LHFPL3: variants seen among roughly 807,000 people sequenced by gnomAD.
The protein encoded by LHFPL3 is LHFPL tetraspan subfamily member 3 protein.
LHFPL3 carries 5 observed loss-of-function variants against 19.3 expected under a neutral mutation model. That is an observed-to-expected ratio of 0.26 (90% CI 0.14 to 0.54). The LOEUF (loss-of-function observed/expected upper bound fraction) is 0.54. LHFPL3 is among the 20% of genes least tolerant of loss of function. LHFPL3 has a pLI of 0.94. For synonymous variants in LHFPL3, 133 were observed against 126.2 expected, an observed-to-expected ratio of 1.05 and a Z score of -0.36; for missense variants, 249 against 307.4, an observed-to-expected ratio of 0.81 and a Z score of 1.42.
intron 1 of LHFPL3, among the ~76,000 whole-genome samples, chr7:104,651,060 G>A (rs183406728): frequency 8.5e-5 from 13 of 152,296 alleles, no homozygotes; most frequent in East Asian, 7.7e-4. Context: ...AGCAGCCACC[G>A]TAAGAATAAA....
At chr7:104,603,600 G>C (rs941294854) in intron 1 of LHFPL3, among the ~76,000 whole-genome samples, 1 of 152,186 alleles carries the variant, frequency 6.6e-6, no homozygotes, top group African/African-American at 2.4e-5. Context: ...GATTCATCCT[G>C]AGGTAAAATC....
chr7:104,742,995 C>A (rs903979268), intron 2 of LHFPL3, among the ~76,000 whole-genome samples: 1 of 152,040 alleles, frequency 6.6e-6, no homozygotes, highest in Non-Finnish European at 1.5e-5. Context: ...GTGGTGGGCA[C>A]CTGTAGTTCC....
chr7:104,630,778 A>G lies in LHFPL3; in HGVS notation c.446-105897A>G, dbSNP rs565509390. ...ATAAATAATTATTATTTATAAGAGG[A>G]CACTGGAGCAACAGATTAGCTAGTA... On this transcript the variant is annotated intron_variant, in intron 1 of 2. Transcript: ENST00000424859. 9.9e-5 allele frequency among the ~76,000 whole-genome samples: 15 copies of G among 152,270 alleles called. No individual in the cohort carries two copies. In the East Asian group the frequency reaches 2.5e-3, roughly 25 times the overall value.
At chr7:104,623,271 A>G (rs1409552928) in intron 1 of LHFPL3, among the ~76,000 whole-genome samples, 3 of 151,038 alleles carry the variant, frequency 2.0e-5, no homozygotes, top group African/African-American at 7.3e-5. Flanking sequence ...AATCTGGGCT[A>G]TGTACCATTT....
intron 2 of LHFPL3, among the ~76,000 whole-genome samples, chr7:104,774,643 GT>G (rs998517862): frequency 3.3e-5 from 5 of 152,196 alleles, no homozygotes; most frequent in African/African-American, 1.2e-4. Context: ...GTGTTCCAGT[GT>G]TTTTCTAGAA....
At chr7:104,905,070 G>C (rs1006886438) in intron 2 of LHFPL3, among the ~76,000 whole-genome samples, 1 of 151,904 alleles carries the variant, frequency 6.6e-6, no homozygotes, top group Non-Finnish European at 1.5e-5. Context: ...ATCCTCCCAC[G>C]TCAGCCCCTT....
At chr7:104,590,886 T>C (rs1790702104) in intron 1 of LHFPL3, among the ~76,000 whole-genome samples, 1 of 152,212 alleles carries the variant, frequency 6.6e-6, no homozygotes. Flanking sequence ...TTTGTGTCTT[T>C]TGATCTTTGT....
chr7:104,687,755 A>G (rs1158069207), intron 1 of LHFPL3, among the ~76,000 whole-genome samples: 1 of 152,238 alleles, frequency 6.6e-6, no homozygotes, highest in Non-Finnish European at 1.5e-5. Flanking sequence ...ACCAGTATTG[A>G]TAGGAAACTC....
chr7:104,726,756 A>G (rs1793599274), intron 1 of LHFPL3, among the ~76,000 whole-genome samples: 1 of 152,112 alleles, frequency 6.6e-6, no homozygotes, highest in South Asian at 2.1e-4. Context: ...GGTTGATTCC[A>G]TGTCTTCGCT....
intron 1 of LHFPL3, among the ~76,000 whole-genome samples, chr7:104,494,428 C>T (rs1165758661): frequency 6.6e-6 from 1 of 152,168 alleles, no homozygotes; most frequent in East Asian, 1.9e-4. Flanking sequence ...TGCTTTCACA[C>T]TGTTCTCTCT....
At chr7:104,669,827 G>T (rs7812182) in intron 1 of LHFPL3, among the ~76,000 whole-genome samples, 2 of 152,068 alleles carry the variant, frequency 1.3e-5, no homozygotes, top group African/African-American at 2.4e-5. Context: ...GTTGTGGTGC[G>T]TTATGTCACC....
At chr7:104,344,079 A>AT (rs1182874160) in intron 1 of LHFPL3, among the ~76,000 whole-genome samples, 1 of 152,084 alleles carries the variant, frequency 6.6e-6, no homozygotes, top group African/African-American at 2.4e-5. Flanking sequence ...TGTAAGTTGA[A>AT]TTTTATTGAA....
chr7:104,787,935 T>G (rs1158060057), intron 2 of LHFPL3, among the ~76,000 whole-genome samples: 3 of 152,156 alleles, frequency 2.0e-5, no homozygotes, highest in African/African-American at 7.2e-5. Flanking sequence ...TGTTGGGGGT[T>G]AGGTTTTCAA....
At chr7:104,491,202 T>G (rs1485321581) in intron 1 of LHFPL3, among the ~76,000 whole-genome samples, 1 of 152,070 alleles carries the variant, frequency 6.6e-6, no homozygotes, top group East Asian at 1.9e-4. Flanking sequence ...AGACTTACCT[T>G]TTGCATCAGC....
At chr7:104,386,132 A>T (rs1458245360) in intron 1 of LHFPL3, among the ~76,000 whole-genome samples, 1 of 152,210 alleles carries the variant, frequency 6.6e-6, no homozygotes. Flanking sequence ...ATTCACAATG[A>T]TGGTAATTGT....
At chr7:104,392,621 C>T (rs1343963476) in intron 1 of LHFPL3, among the ~76,000 whole-genome samples, 1 of 152,176 alleles carries the variant, frequency 6.6e-6, no homozygotes, top group African/African-American at 2.4e-5. Flanking sequence ...CATCAATGTT[C>T]ATCAGGGATA....
At chr7:104,744,702 G>A (rs772184610) in intron 2 of LHFPL3, among the ~76,000 whole-genome samples, 5 of 152,072 alleles carry the variant, frequency 3.3e-5, no homozygotes, top group Admixed American at 2.6e-4. Context: ...AATCTCATGC[G>A]CAACTTTCAA....
chr7:104,617,646 T>A (rs1352324501), intron 1 of LHFPL3, among the ~76,000 whole-genome samples: 1 of 152,222 alleles, frequency 6.6e-6, no homozygotes, highest in Non-Finnish European at 1.5e-5. Context: ...CACATAGTTG[T>A]CAACAAATAA....
At position 104,553,447 on chromosome 7, in the gene LHFPL3, G is replaced by A. The variant is rs545717167; in HGVS notation, c.446-183228G>A. 5.9e-5 allele frequency among the ~76,000 whole-genome samples: 9 copies of A among 152,256 alleles called. No individual in the cohort carries two copies. In the South Asian group the frequency reaches 1.9e-3, roughly 32 times the overall value. ...GGACCATCTTTTGTTGCCTAACATG[G>A]GAGGAGGGAATGACTTGAACCACTT... is the stretch of plus-strand genomic sequence containing the variant. On this transcript the variant is annotated intron_variant, in intron 1 of 2. Coordinates refer to ENST00000424859, the MANE Select transcript of LHFPL3 (RefSeq NM_199000.3).
Sources: allele counts gnomAD v4.1 joint callset (sites outside exome capture counted in the v4.1 genomes callset), GRCh38; gene constraint gnomAD v4.1.1; transcripts MANE v1.5; gene names NCBI Gene and HGNC (gene_info 2026-07-23, HGNC 2026-07-21).